Variants in TOX3 observed in about 807,000 individuals in gnomAD.
TOX3 encodes the protein CAG trinucleotide repeat-containing gene F9 protein.
Under a neutral mutation model 64.3 loss-of-function variants are expected in TOX3, and 22 were observed. The ratio of observed to expected loss-of-function variants is 0.34; its 90% CI spans 0.24 to 0.49. The LOEUF (loss-of-function observed/expected upper bound fraction) is 0.49. Ranked by LOEUF, TOX3 falls within the 20% of genes least tolerant of loss-of-function variation. TOX3 has a pLI of 0.99. For synonymous variants in TOX3, 291 were observed against 273.6 expected (o/e 1.06, Z -0.63); for missense variants, 661 against 714.4 (o/e 0.93, Z 0.85).
At chr16:52,463,205 C>T (rs1317444708) in intron 3 of TOX3, among the ~76,000 whole-genome samples, 1 of 152,030 alleles carries the variant, frequency 6.6e-6, no homozygotes, top group Non-Finnish European at 1.5e-5. Flanking sequence ...TAGTACCTCA[C>T]CTAGCTAGAC....
intron 4 of TOX3, 121 bp from the exon 5 acceptor site, chr16:52,446,342 C>T (rs907275439): frequency 9.8e-7 from 1 of 1,016,070 alleles, no homozygotes. Context: ...AGATGAATCA[C>T]CACCAAAAGC....
intron 1 of TOX3, among the ~76,000 whole-genome samples, chr16:52,488,665 C>T (rs1422457125): frequency 6.6e-6 from 1 of 152,152 alleles, no homozygotes; most frequent in Non-Finnish European, 1.5e-5. Context: ...ATTATATTTA[C>T]TTGGGTTCTA....
intron 1 of TOX3, among the ~76,000 whole-genome samples, chr16:52,480,293 A>C (rs1025334897): frequency 1.3e-5 from 2 of 152,216 alleles, no homozygotes; most frequent in African/African-American, 4.8e-5. Flanking sequence ...ATGGTTGCCA[A>C]AGTACTGTCA....
At chr16:52,441,859 G>T (rs1960001124) in intron 6 of TOX3, among the ~76,000 whole-genome samples, 1 of 152,136 alleles carries the variant, frequency 6.6e-6, no homozygotes, top group South Asian at 2.1e-4. Context: ...ACTCAGTGGG[G>T]CTGCATGTTC....
chr16:52,542,314 T>C (rs1350181120), intron 1 of TOX3, among the ~76,000 whole-genome samples: 1 of 152,216 alleles, frequency 6.6e-6, no homozygotes. Context: ...AAACCATAAA[T>C]GACTTATTAA....
chr16:52,510,778 A>AAAG (rs71141198), intron 1 of TOX3, among the ~76,000 whole-genome samples: 17,256 of 112,212 alleles, frequency 0.15, 2,187 homozygotes, highest in Middle Eastern at 0.24. Context: ...AAAAAAAAAA[A>AAAG]AAGAAGAAGA....
At chr16:52,518,714 C>T (rs1010188182) in intron 1 of TOX3, among the ~76,000 whole-genome samples, 2 of 152,080 alleles carry the variant, frequency 1.3e-5, no homozygotes, top group Non-Finnish European at 2.9e-5. Context: ...ATGAAGAATA[C>T]CTCATAGTAA....
intron 1 of TOX3, among the ~76,000 whole-genome samples, chr16:52,478,061 A>G (rs1961267771): frequency 6.6e-6 from 1 of 152,214 alleles, no homozygotes; most frequent in Admixed American, 6.5e-5. Context: ...AGTTTTGAAG[A>G]AACCAAAAGA....
At chr16:52,506,502 C>G (rs1427050982) in intron 1 of TOX3, among the ~76,000 whole-genome samples, 1 of 152,094 alleles carries the variant, frequency 6.6e-6, no homozygotes, top group Non-Finnish European at 1.5e-5. Context: ...AACTGGCATG[C>G]ACAACCCAAG....
chr16:52,477,195 A>C (rs1160778878), intron 1 of TOX3, among the ~76,000 whole-genome samples: 3 of 152,162 alleles, frequency 2.0e-5, no homozygotes, highest in African/African-American at 7.2e-5. Context: ...CTACTTGTAC[A>C]CAGGCTGTGT....
chr16:52,541,796 C>T (rs997400321), intron 1 of TOX3, among the ~76,000 whole-genome samples: 1 of 152,168 alleles, frequency 6.6e-6, no homozygotes, highest in Admixed American at 6.5e-5. Context: ...AGTAGCCCAG[C>T]ATCTGGAGTG....
In TOX3 at chr16:52,440,875, C is replaced by T. The variant is rs566807146; in HGVS notation, c.988-907G>A. Among the ~76,000 whole-genome samples, 104 of 150,342 alleles carry T rather than the reference C, an allele frequency of 6.9e-4. 1 individual carries two copies. In the South Asian group the frequency reaches 9.2e-3, roughly 13 times the overall value. ...TCCTGGGTTTGTGCCATTCTCCTGCCTCAGCCTCCCAAGTAGCTGGCACTA... is the reference window on the plus strand; with the variant it reads ...TCCTGGGTTTGTGCCATTCTCCTGCTTCAGCCTCCCAAGTAGCTGGCACTA... On this transcript the variant is annotated intron_variant, in intron 6 of 6. Transcript: ENST00000219746.
intron 1 of TOX3, among the ~76,000 whole-genome samples, chr16:52,476,938 T>A (rs953414591): frequency 1.3e-5 from 2 of 152,174 alleles, no homozygotes; most frequent in Admixed American, 1.3e-4. Flanking sequence ...CAAAAAGGAA[T>A]GGCCTTTCAG....
At chr16:52,533,210 G>A (rs377336047) in intron 1 of TOX3, among the ~76,000 whole-genome samples, 32 of 152,294 alleles carry the variant, frequency 2.1e-4, no homozygotes, top group African/African-American at 6.5e-4. Flanking sequence ...ACAATCACAA[G>A]TGTGGCTGGG....
chr16:52,471,720 T>C (rs1184439049), intron 1 of TOX3, among the ~76,000 whole-genome samples: 1 of 152,222 alleles, frequency 6.6e-6, no homozygotes, highest in Non-Finnish European at 1.5e-5. Context: ...TTTTAAAAGA[T>C]GATAGGAATA....
intron 1 of TOX3, among the ~76,000 whole-genome samples, chr16:52,525,525 A>G (rs1174899635): frequency 6.6e-6 from 1 of 152,216 alleles, no homozygotes; most frequent in Non-Finnish European, 1.5e-5. Flanking sequence ...AGGATTTATC[A>G]CTGCAACCCA....
intron 3 of TOX3, among the ~76,000 whole-genome samples, chr16:52,460,979 G>A (rs896143285): frequency 6.6e-6 from 1 of 152,134 alleles, no homozygotes; most frequent in African/African-American, 2.4e-5. Context: ...TTTCATTTAT[G>A]ACTGACCCAA....
In TOX3 at chr16:52,468,514, T is replaced by C. The variant is rs1219766630; in HGVS notation, c.148A>G (p.Ser50Gly). The change falls in exon 2 of 7, where the codon AGT (serine) becomes GGT (glycine). Residue 50 changes from serine to glycine, a missense_variant. Ser to Gly is a moderately conservative substitution (Grantham distance 56). Around this residue, in one of 3 missense-constraint regions of TOX3, gnomAD observed 259 missense variants for 261.2 expected, o/e 0.99. Transcript: ENST00000219746. ...AEANNAFFAASEQTFHTPSLG... is the reference protein window; with the variant it reads ...AEANNAFFAAGEQTFHTPSLG... ...ACATTAAGACAGTCACCTACCTCAC[T>C]GGCAGCGAAGAACGCATTGTTCGCC... 6.2e-7 allele frequency: 1 copy of C among 1,613,104 alleles called. No homozygotes were observed.
intron 1 of TOX3, among the ~76,000 whole-genome samples, chr16:52,503,614 A>C (rs4784221): frequency 1.3e-5 from 2 of 152,104 alleles, no homozygotes; most frequent in Non-Finnish European, 2.9e-5. Flanking sequence ...ATGCTTTACA[A>C]AAAGGAAAGG....
Sources: gnomAD v4.1 joint callset for allele counts (sites outside exome capture counted in the v4.1 genomes callset) on GRCh38, gnomAD v4.1.1 for gene constraint, gnomAD v4.1.1 regional missense constraint, MANE v1.5 for transcripts, NCBI Gene and HGNC (gene_info 2026-07-23, HGNC 2026-07-21) for gene names.